BCR: variants seen among roughly 807,000 people sequenced by gnomAD.
BCR encodes the protein BCR activator of RhoGEF and GTPase, also known as breakpoint cluster region protein.
Under a neutral mutation model 138.6 loss-of-function variants are expected in BCR, and 58 were observed. That is an observed-to-expected ratio of 0.42 (90% CI 0.34 to 0.52). The LOEUF is 0.52. Ranked by LOEUF, BCR falls within the 20% of genes least tolerant of loss-of-function variation. BCR has a pLI of 0.06. For missense variants in BCR, 1,599 were observed against 1,727.2 expected (o/e 0.93, Z 1.32); for synonymous variants, 786 against 730.1 (o/e 1.08, Z -1.23).
At chr22:23,217,440 T>G (rs906416082) in intron 1 of BCR, among the ~76,000 whole-genome samples, 4 of 152,148 alleles carry the variant, frequency 2.6e-5, no homozygotes, top group African/African-American at 9.7e-5. Context: ...TTGCTGACCT[T>G]GATGGAGTGG....
intron 1 of BCR, among the ~76,000 whole-genome samples, chr22:23,222,528 G>C (rs187584322): frequency 6.6e-6 from 1 of 152,170 alleles, no homozygotes; most frequent in Non-Finnish European, 1.5e-5. Context: ...GAAGGAGGCA[G>C]AGGAGTGTAG....
intron 1 of BCR, among the ~76,000 whole-genome samples, chr22:23,188,382 T>A (rs1433731144): frequency 6.6e-6 from 1 of 152,206 alleles, no homozygotes; most frequent in Non-Finnish European, 1.5e-5. Context: ...CCCTTTTGCT[T>A]AGTTTGTTGC....
At chr22:23,306,495 G>T (rs1260756603) in intron 16 of BCR, among the ~76,000 whole-genome samples, 2 of 152,214 alleles carry the variant, frequency 1.3e-5, no homozygotes, top group East Asian at 1.9e-4. Context: ...ACTTTACTCA[G>T]TCTCCAAACT....
In BCR at chr22:23,186,937, T is replaced by C. The variant is rs139063979; in HGVS notation, c.1279+4698T>C. Among the ~76,000 whole-genome samples, 749 of 152,356 alleles carry C rather than the reference T, an allele frequency of 4.9e-3. 7 individuals carry two copies. The highest frequency in any genetic ancestry group is 0.017 in the African/African-American group (693 of 41,582). On this transcript the variant is annotated intron_variant, in intron 1 of 22. Transcript: ENST00000305877. ...TTTCAGTAGAGACGGGGTTTCGCCA[T>C]GTTGGCCAGGCTGGTCTGGAACTCC...
Position 23,314,734 on chromosome 22 carries a change from AGCCC to A in BCR, c.3726+21_3726+24del. ...TCCCAGGTATGGGAAGACAGGCTCC[AGCCC>A]ATGCAACCCTGACCTGACAGAGGTG... is the stretch of plus-strand genomic sequence containing the variant. On this transcript the variant is annotated intron_variant, in intron 22 of 22. Transcript: ENST00000305877. The A allele has an allele frequency of 6.2e-7, 1 of 1,611,624 alleles. No individual in the cohort carries two copies. Among genetic ancestry groups the A allele is most frequent in the East Asian group, 2.2e-5 (1 of 44,864 alleles).
At position 23,235,561 on chromosome 22, in the gene BCR, A is replaced by G. The variant is rs2073013915; in HGVS notation, c.1280-18238A>G. The stretch of plus-strand genomic sequence containing the variant: ...TTCCACGGCATAATGTGGGGACTGC[A>G]GAGAGGAAGGGACATGTTTATGTCC... On this transcript the variant is annotated intron_variant, in intron 1 of 22. Coordinates refer to ENST00000305877, the MANE Select transcript of BCR (RefSeq NM_004327.4). Among the ~76,000 whole-genome samples, 2 of 107,174 alleles carry G rather than the reference A, an allele frequency of 1.9e-5. 1 individual carries two copies. 70.3% of individuals were successfully genotyped at this position (107,174 alleles called of 152,430 possible).
Position 23,261,352 on chromosome 22 carries a change from C to A in BCR, c.1567-3C>A. 1 of 1,610,956 alleles carries A rather than the reference C, an allele frequency of 6.2e-7. No individual in the cohort carries two copies. Among genetic ancestry groups the A allele is most frequent in the Non-Finnish European group, 8.5e-7 (1 of 1,178,314 alleles). On this transcript the variant is annotated splice_region_variant and splice_polypyrimidine_tract_variant and intron_variant, in intron 3 of 22. Transcript: ENST00000305877. Reference sequence around the variant, plus strand: ...GTGCTACCTCACTTGTGCCCTCTTCCAGCCCATGAAGCCTTTGAAAGCCGC... The same window carrying A: ...GTGCTACCTCACTTGTGCCCTCTTCAAGCCCATGAAGCCTTTGAAAGCCGC...
intron 20 of BCR, among the ~76,000 whole-genome samples, chr22:23,313,490 T>C (rs2074030890): frequency 6.6e-6 from 1 of 152,210 alleles, no homozygotes; most frequent in Non-Finnish European, 1.5e-5. Flanking sequence ...CCCGGGCCCA[T>C]GCACAGAGGA....
chr22:23,244,481 G>T (rs572489878), intron 1 of BCR, among the ~76,000 whole-genome samples: 5 of 152,242 alleles, frequency 3.3e-5, no homozygotes, highest in Admixed American at 3.3e-4. Flanking sequence ...ATTTCCTCAG[G>T]GAGAGGCCCT....
chr22:23,270,158 G>T (rs888130703), intron 5 of BCR, among the ~76,000 whole-genome samples: 11 of 152,206 alleles, frequency 7.2e-5, no homozygotes, highest in Admixed American at 3.3e-4. Context: ...GTGTTGGGGG[G>T]TCAGTGCTCA....
At chr22:23,183,826 C>T (rs554553145) in intron 1 of BCR, among the ~76,000 whole-genome samples, 1 of 152,362 alleles carries the variant, frequency 6.6e-6, no homozygotes, top group Admixed American at 6.5e-5. Context: ...CCCAGCCTTT[C>T]CTACAGCTCC....
intron 1 of BCR, among the ~76,000 whole-genome samples, chr22:23,186,988 G>A (rs1156267802): frequency 6.6e-6 from 1 of 152,186 alleles, no homozygotes; most frequent in Non-Finnish European, 1.5e-5. Flanking sequence ...CACCCGTCTT[G>A]GCCTCCCAGA....
At chr22:23,253,445 A>G (rs1269914882) in intron 1 of BCR, among the ~76,000 whole-genome samples, 2 of 152,214 alleles carry the variant, frequency 1.3e-5, no homozygotes, top group Admixed American at 6.5e-5. Context: ...ACTAGCACAC[A>G]TAAAGACATG....
At chr22:23,304,325 C>T (rs140507) in intron 16 of BCR, among the ~76,000 whole-genome samples, 75,861 of 151,768 alleles carry the variant, frequency 0.5, 19,357 homozygotes, top group East Asian at 0.74. Context: ...ATTTCATAAA[C>T]GTGGAATCAT....
At chr22:23,198,424 C>T (rs779804546) in intron 1 of BCR, 5 of 424,250 alleles carry the variant, frequency 1.2e-5, no homozygotes, top group Non-Finnish European at 2.2e-5. Flanking sequence ...GGTTGGTGAC[C>T]CCCAAAGAGA....
At chr22:23,314,809 A>G in intron 22 of BCR, 95 bp downstream of exon 22, 1 of 1,470,786 alleles carries the variant, frequency 6.8e-7, no homozygotes, top group Admixed American at 1.8e-5. Context: ...TCTTACTTGC[A>G]TTGTATGTGG....
rs901868837 is a variant in BCR, at chr22:23,263,332, G to A, written c.1752+1792G>A. 2.3e-5 allele frequency: 27 copies of A among 1,193,224 alleles called. No individual in the cohort carries two copies. The African/African-American group carries it at 2.4e-4, about 11-fold the overall frequency. The allele number at this position is 1,193,224 out of a possible 1,614,324, so 73.9% of individuals were successfully genotyped here. On this transcript the variant is annotated intron_variant, in intron 4 of 22. Coordinates refer to ENST00000305877, the MANE Select transcript of BCR (RefSeq NM_004327.4). ...CACTTCACCAACTGCGACCTGCTCC[G>A]GCGCCAGATAGCCTGGGCCTCGCTC...
At chr22:23,237,322 C>T (rs975210848) in intron 1 of BCR, among the ~76,000 whole-genome samples, 12 of 152,184 alleles carry the variant, frequency 7.9e-5, no homozygotes, top group African/African-American at 2.9e-4. Flanking sequence ...GTGAATCTCA[C>T]CTCCTCCCAC....
At chr22:23,209,744 C>T (rs889816400) in intron 1 of BCR, among the ~76,000 whole-genome samples, 5 of 152,060 alleles carry the variant, frequency 3.3e-5, no homozygotes, top group East Asian at 2.0e-4. Context: ...GGGGTTTCAC[C>T]GTGTTAGCCA....
Sources: allele counts gnomAD v4.1 joint callset (sites outside exome capture counted in the v4.1 genomes callset), GRCh38; gene constraint gnomAD v4.1.1; transcripts MANE v1.5; gene names NCBI Gene and HGNC (gene_info 2026-07-23, HGNC 2026-07-21).